XG: variants seen among roughly 807,000 people sequenced by gnomAD.
XG encodes the protein glycoprotein Xg.
XG carries 24 observed loss-of-function variants against 25.7 expected under a neutral mutation model. The observed-to-expected ratio is 0.93, with a 90% CI of 0.68 to 1.31. XG has a LOEUF of 1.31. Among genes scored for constraint, XG ranks in the 40% most tolerant of loss-of-function variants. XG has a pLI of 0.00. For missense variants in XG, 181 were observed against 187.6 expected, an observed-to-expected ratio of 0.96 and a Z score of 0.21; for synonymous variants, 77 against 69.2, an observed-to-expected ratio of 1.11 and a Z score of -0.56.
At chrX:2,793,030 G>A (rs1157668234) in intron 5 of XG, among the ~76,000 whole-genome samples, 1 of 110,165 alleles carries the variant, frequency 9.1e-6, no homozygotes, top group Non-Finnish European at 1.9e-5. Context: ...CCTCCTGGCA[G>A]ATGGGACTAC....
At chrX:2,782,213 G>C (rs2086736562) in intron 4 of XG, 85 bp downstream of exon 4, 12 of 1,066,180 alleles carry the variant, frequency 1.1e-5, no homozygotes, top group Non-Finnish European at 1.6e-5. Flanking sequence ...TAGCCTGGTT[G>C]CATTTGAAAT....
At chrX:2,774,637 C>T (rs1313147688) in intron 2 of XG, 79 bp from the exon 3 acceptor site, 1 of 1,502,758 alleles carries the variant, frequency 6.7e-7, no homozygotes, top group Admixed American at 1.7e-5. Context: ...CACCTTTCAT[C>T]AGGGCGTTCA....
At chrX:2,760,243 A>G (rs755089193) in intron 1 of XG, among the ~76,000 whole-genome samples, 1 of 152,012 alleles carries the variant, frequency 6.6e-6, no homozygotes, top group Non-Finnish European at 1.5e-5. Context: ...TGTTGCTGAG[A>G]TGAAACTGTC....
chrX:2,797,384 A>C (rs4484858), intron 7 of XG, 24 bp downstream of exon 7: 3 of 1,177,606 alleles, frequency 2.5e-6, no homozygotes, highest in Admixed American at 4.5e-5. Context: ...TGGGCATGCG[A>C]TGGTGGGTGG....
At chrX:2,754,741 C>G (rs1015251463) in intron 1 of XG, among the ~76,000 whole-genome samples, 2 of 152,124 alleles carry the variant, frequency 1.3e-5, no homozygotes, top group Non-Finnish European at 2.9e-5. Context: ...GAAGACTAGG[C>G]CAGTGTCTCT....
At chrX:2,773,187 CAAGG>C (rs1334657450) in intron 2 of XG, among the ~76,000 whole-genome samples, 6 of 138,252 alleles carry the variant, frequency 4.3e-5, no homozygotes. Flanking sequence ...AGGATGGAAA[CAAGG>C]AGGGAAGAAA....
chrX:2,797,207 C>T (rs996021739), intron 6 of XG, 103 bp from the exon 7 acceptor site: 4 of 870,498 alleles, frequency 4.6e-6, no homozygotes, highest in Non-Finnish European at 6.6e-6. Context: ...CACGTTCACA[C>T]GACTTGTTGC....
chrX:2,770,315 C>T (rs1388011897), intron 1 of XG, among the ~76,000 whole-genome samples: 2 of 142,000 alleles, frequency 1.4e-5, no homozygotes, highest in Non-Finnish European at 3.1e-5. Flanking sequence ...GCTGGGGAGG[C>T]GGGAGGGGAA....
intron 3 of XG, among the ~76,000 whole-genome samples, chrX:2,780,425 T>TG (rs1556369958): frequency 7.9e-6 from 1 of 126,664 alleles, no homozygotes; most frequent in Non-Finnish European, 1.6e-5. Flanking sequence ...TTTTTTTTTC[T>TG]AAAAAAAAAA....
At chrX:2,766,094 G>C (rs990738716) in intron 1 of XG, among the ~76,000 whole-genome samples, 1 of 152,230 alleles carries the variant, frequency 6.6e-6, no homozygotes, top group Admixed American at 6.5e-5. Flanking sequence ...AATGGCCTGA[G>C]TGGGGAAACC....
intron 5 of XG, among the ~76,000 whole-genome samples, chrX:2,792,698 C>T (rs1197147411): frequency 6.0e-4 from 65 of 108,014 alleles, no homozygotes; most frequent in African/African-American, 2.1e-3. Flanking sequence ...CTGAGCCCAG[C>T]CCTAGGAAAC....
chrX:2,779,294 C>T (rs996764489), intron 3 of XG, among the ~76,000 whole-genome samples: 1 of 147,708 alleles, frequency 6.8e-6, no homozygotes, highest in Non-Finnish European at 1.5e-5. Context: ...CGAGATCCTG[C>T]CATTGCACTC....
At chrX:2,795,437 CTTTA>C (rs1035560464) in intron 6 of XG, among the ~76,000 whole-genome samples, 11 of 103,072 alleles carry the variant, frequency 1.1e-4, no homozygotes, top group African/African-American at 3.2e-4. Flanking sequence ...ATGTATGTGC[CTTTA>C]TTTATATATG....
At chrX:2,794,703 G>C (rs2086868207) in intron 6 of XG, 100 bp downstream of exon 6, 2 of 967,941 alleles carry the variant, frequency 2.1e-6, no homozygotes, top group Non-Finnish European at 1.4e-6. Flanking sequence ...GGTTGGGGCA[G>C]AGTTGGTGAC....
At chrX:2,779,122 C>T (rs1388020150) in intron 3 of XG, among the ~76,000 whole-genome samples, 1 of 148,882 alleles carries the variant, frequency 6.7e-6, no homozygotes, top group Non-Finnish European at 1.5e-5. Flanking sequence ...TAAAAGAAAA[C>T]TTTTTTTTTT....
intron 1 of XG, among the ~76,000 whole-genome samples, chrX:2,757,020 T>C (rs2050450697): frequency 6.6e-6 from 1 of 152,110 alleles, no homozygotes; most frequent in Non-Finnish European, 1.5e-5. Flanking sequence ...AGCTGAAGGA[T>C]GGTAAATGCA....
Position 2,773,464 on chromosome X carries a change from A to AG in XG, c.104-1247dup, listed in dbSNP as rs200459136. On this transcript the variant is annotated intron_variant, in intron 2 of 10. Coordinates refer to ENST00000644266, the MANE Select transcript of XG (RefSeq NM_001141919.2). ...GAGGGTGGGGAGGAAGGAAAGAAGA[A>AG]GGGGGAAAAGGAGAGAGGGAAGGAA... Among the ~76,000 whole-genome samples the AG allele has an allele frequency of 9.0e-3, 1,273 of 142,078 alleles. 17 individuals are homozygous for AG. Among genetic ancestry groups the AG allele is most frequent in the Non-Finnish European group, 0.016 (1,015 of 62,790 alleles). The allele number at this position is 142,078 out of a possible 152,430, so 93.2% of individuals were successfully genotyped here.
At chrX:2,795,769 T>C (rs946838568) in intron 6 of XG, among the ~76,000 whole-genome samples, 21 of 110,779 alleles carry the variant, frequency 1.9e-4, no homozygotes, top group African/African-American at 6.5e-4. Flanking sequence ...AGTGATGTTC[T>C]GCCTCAGCCT....
chrX:2,752,368 C>T lies in XG; in HGVS notation c.61+33C>T, dbSNP rs371887220. 15 of 1,612,226 alleles carry T rather than the reference C, an allele frequency of 9.3e-6. No homozygotes were observed. The African/African-American group carries it at 1.3e-4, about 14-fold the overall frequency. ...GCATTTTGCTTTGAGGGAGATCTGC[C>T]TGGGCATGGATTTTTCTATTCTTGC... On this transcript the variant is annotated intron_variant, in intron 1 of 10. Coordinates refer to ENST00000644266, the MANE Select transcript of XG (RefSeq NM_001141919.2).
Sources: allele counts gnomAD v4.1 joint callset (sites outside exome capture counted in the v4.1 genomes callset), GRCh38; gene constraint gnomAD v4.1.1; transcripts MANE v1.5; gene names NCBI Gene and HGNC (gene_info 2026-07-23, HGNC 2026-07-21).